Variants in PBRM1 observed in about 807,000 individuals in gnomAD.
PBRM1 encodes protein polybromo-1.
A neutral mutation model predicts 194.5 loss-of-function variants in PBRM1; 27 were observed. The ratio of observed to expected loss-of-function variants is 0.14; its 90% CI spans 0.10 to 0.19. The LOEUF (loss-of-function observed/expected upper bound fraction) is 0.19. Ranked by LOEUF, PBRM1 falls within the 10% of genes least tolerant of loss-of-function variation. The probability of loss-of-function intolerance (pLI) is 1.00; values close to 1 mark genes in which losing one functional copy is unlikely to be tolerated. For missense variants in PBRM1, 1,466 were observed against 2,077.2 expected (o/e 0.71, Z 5.72); for synonymous variants, 655 against 693.2 (o/e 0.94, Z 0.87).
intron 13 of PBRM1, 95 bp from the exon 15 acceptor site, chr3:52,625,036 T>G: frequency 1.2e-6 from 1 of 850,044 alleles, no homozygotes; most frequent in Non-Finnish European, 2.0e-6. Context: ...AAGAAAAAGA[T>G]TATTCAGTCC....
chr3:52,567,579 A>G (rs1249522439), intron 22 of PBRM1, among the ~76,000 whole-genome samples: 3 of 148,838 alleles, frequency 2.0e-5, no homozygotes, highest in East Asian at 3.9e-4. Context: ...AAAAAAAAAA[A>G]AAGAAAAAAG....
chr3:52,574,061 G>T (rs149191825), intron 22 of PBRM1, among the ~76,000 whole-genome samples: 5 of 152,230 alleles, frequency 3.3e-5, no homozygotes, highest in African/African-American at 1.2e-4. Context: ...AGGTTTTTTT[G>T]TCAAAAACAT....
chr3:52,561,557 C>A (rs1055602180), intron 25 of PBRM1, among the ~76,000 whole-genome samples: 2 of 152,130 alleles, frequency 1.3e-5, no homozygotes, highest in Non-Finnish European at 2.9e-5. Context: ...GAAAATACAA[C>A]ACCAGGATCA....
intron 22 of PBRM1, among the ~76,000 whole-genome samples, chr3:52,568,325 T>C (rs1355600952): frequency 6.6e-6 from 1 of 152,204 alleles, no homozygotes; most frequent in Non-Finnish European, 1.5e-5. Context: ...CCTATTTCCC[T>C]GCTGGATGTT....
Position 52,641,930 on chromosome 3 carries a change from C to T in PBRM1, c.1087+24G>A, listed in dbSNP as rs781337880. On this transcript the variant is annotated intron_variant, in intron 10 of 29. Transcript: ENST00000296302. ...AGAAGGATCCACTAAGAAGGCATTTCGCTAGTCAAAACCTAATGCCTACCA... is the reference window on the plus strand; with the variant it reads ...AGAAGGATCCACTAAGAAGGCATTTTGCTAGTCAAAACCTAATGCCTACCA... The T allele has an allele frequency of 8.2e-6, 11 of 1,344,732 alleles. No homozygotes were observed. The Admixed American group carries it at 8.4e-5, about 10-fold the overall frequency. The allele number at this position is 1,344,732 out of a possible 1,614,324, so 83.3% of individuals were successfully genotyped here.
At chr3:52,645,726 T>TG (rs1480233945) in intron 7 of PBRM1, among the ~76,000 whole-genome samples, 1 of 151,904 alleles carries the variant, frequency 6.6e-6, no homozygotes, top group Non-Finnish European at 1.5e-5. Flanking sequence ...GTGTATATAG[T>TG]GTGGATAGAC....
intron 5 of PBRM1, among the ~76,000 whole-genome samples, chr3:52,652,870 C>T (rs1036081167): frequency 7.9e-5 from 12 of 151,770 alleles, no homozygotes; most frequent in African/African-American, 2.2e-4. Flanking sequence ...TGGTGGTGTG[C>T]GCCTGTAATC....
exon 11 of PBRM1, chr3:52,634,626 A>G (rs1314419859): frequency 6.2e-7 from 1 of 1,610,988 alleles, no homozygotes; most frequent in Admixed American, 1.7e-5. Context: ...TGATATGGGC[A>G]TTTTAATTTG....
chr3:52,677,747 G>C (rs1166408319), intron 2 of PBRM1, among the ~76,000 whole-genome samples: 2 of 152,132 alleles, frequency 1.3e-5, no homozygotes, highest in Non-Finnish European at 2.9e-5. Flanking sequence ...TTTTAGTAGA[G>C]ACAGGGTTTT....
chr3:52,678,525 G>C (rs2097151445), exon 2 of PBRM1: 1 of 1,612,522 alleles, frequency 6.2e-7, no homozygotes, highest in Admixed American at 1.7e-5. Context: ...CTAATGAAGA[G>C]CTCACAGAGA....
At chr3:52,616,437 T>G (rs1424075581) in intron 14 of PBRM1, among the ~76,000 whole-genome samples, 1 of 152,206 alleles carries the variant, frequency 6.6e-6, no homozygotes, top group Non-Finnish European at 1.5e-5. Flanking sequence ...CTCACGCCTG[T>G]AATCCCAGAA....
intron 17 of PBRM1, among the ~76,000 whole-genome samples, chr3:52,593,440 T>C (rs1225327813): frequency 1.3e-5 from 2 of 152,214 alleles, no homozygotes; most frequent in African/African-American, 4.8e-5. Context: ...TTTTGCCATG[T>C]TGGCTAGGGT....
intron 10 of PBRM1, among the ~76,000 whole-genome samples, chr3:52,635,904 G>C (rs1056998823): frequency 6.6e-6 from 1 of 151,770 alleles, no homozygotes; most frequent in Non-Finnish European, 1.5e-5. Flanking sequence ...TCACTCTGTC[G>C]CCAGGCTGGA....
intron 2 of PBRM1, among the ~76,000 whole-genome samples, chr3:52,677,389 G>A (rs545157904): frequency 4.0e-4 from 58 of 144,958 alleles, no homozygotes; most frequent in Non-Finnish European, 6.6e-4. Flanking sequence ...GATTACAGGC[G>A]CCCCACCACC....
chr3:52,677,659 C>T (rs1270562483), intron 2 of PBRM1, among the ~76,000 whole-genome samples: 2 of 152,112 alleles, frequency 1.3e-5, no homozygotes, highest in African/African-American at 4.8e-5. Flanking sequence ...CTGATCCACC[C>T]GCCTTCGCCT....
intron 10 of PBRM1, among the ~76,000 whole-genome samples, chr3:52,641,467 AAAAAAAAG>A (rs941701376): frequency 7.2e-6 from 1 of 139,844 alleles, no homozygotes; most frequent in African/African-American, 3.2e-5. Flanking sequence ...AAAAAAAGAA[AAAAAAAAG>A]AAAGAAAGAA....
chr3:52,606,938 C>G (rs1194297418), intron 16 of PBRM1, among the ~76,000 whole-genome samples: 1 of 152,194 alleles, frequency 6.6e-6, no homozygotes, highest in Non-Finnish European at 1.5e-5. Context: ...TGTTACGTCT[C>G]ACTGTTCAGA....
At chr3:52,615,866 A>G (rs1292233886) in intron 14 of PBRM1, among the ~76,000 whole-genome samples, 1 of 152,250 alleles carries the variant, frequency 6.6e-6, no homozygotes. Flanking sequence ...CAATATCTCA[A>G]TATCTTAAAT....
intron 19 of PBRM1, among the ~76,000 whole-genome samples, chr3:52,586,973 T>C (rs2092479479): frequency 6.6e-6 from 1 of 152,208 alleles, no homozygotes; most frequent in Non-Finnish European, 1.5e-5. Context: ...TTCATATAGC[T>C]ATAATGTTCC....
Sources: allele counts gnomAD v4.1 joint callset (sites outside exome capture counted in the v4.1 genomes callset), GRCh38; gene constraint gnomAD v4.1.1; transcripts MANE v1.5; gene names NCBI Gene and HGNC (gene_info 2026-07-23, HGNC 2026-07-21).